Variants in IL1RAPL1 observed in about 807,000 individuals in gnomAD.
IL1RAPL1 encodes interleukin 1 receptor accessory protein like 1, also known as interleukin-1 receptor accessory protein-like 1.
IL1RAPL1 carries 3 observed loss-of-function variants against 48.4 expected under a neutral mutation model. The observed-to-expected ratio is 0.06, with a 90% CI of 0.03 to 0.16. The LOEUF (loss-of-function observed/expected upper bound fraction) is 0.16, where lower values mean the gene tolerates loss of function less well. IL1RAPL1 is among the 10% of genes least tolerant of loss of function. The pLI is 1.00. For synonymous variants in IL1RAPL1, 185 were observed against 187.7 expected (o/e 0.99, Z 0.12); for missense variants, 349 against 530.6 (o/e 0.66, Z 3.36).
intron 6 of IL1RAPL1, among the ~76,000 whole-genome samples, chrX:29,756,830 A>G (rs2147143427): frequency 8.9e-6 from 1 of 112,312 alleles, no homozygotes; most frequent in Admixed American, 9.5e-5. Flanking sequence ...AGACATAATT[A>G]GTTAAGGTGA....
At chrX:29,604,988 G>A (rs1171912078) in intron 5 of IL1RAPL1, among the ~76,000 whole-genome samples, 3 of 108,522 alleles carry the variant, frequency 2.8e-5, no homozygotes, top group Non-Finnish European at 5.7e-5. Context: ...TTTTGGAATG[G>A]ATACGTATTA....
At chrX:28,998,002 CT>C (rs900232400) in intron 2 of IL1RAPL1, among the ~76,000 whole-genome samples, 40 of 112,034 alleles carry the variant, frequency 3.6e-4, no homozygotes, top group African/African-American at 1.2e-3. Flanking sequence ...GAAAAATCCC[CT>C]TTTCCCTCAG....
Position 28,984,498 on chromosome X carries a change from G to A in IL1RAPL1, c.82+195073G>A, listed in dbSNP as rs112212733. Among the ~76,000 whole-genome samples the A allele has an allele frequency of 1.8e-3, 201 of 111,916 alleles. 1 individual carries two copies. The highest frequency in any genetic ancestry group is 9.3e-3 in the Middle Eastern group (2 of 216). ...TTTTGATATTTACTGTTTTGCAAGC[G>A]TGTCAAAATATTTAAGGATCCTTTT... On this transcript the variant is annotated intron_variant, in intron 2 of 10. Coordinates refer to ENST00000378993, the MANE Select transcript of IL1RAPL1 (RefSeq NM_014271.4).
intron 6 of IL1RAPL1, among the ~76,000 whole-genome samples, chrX:29,688,754 C>CTCTCTCTCTCTGTG (rs58405949): frequency 9.6e-6 from 1 of 103,902 alleles, no homozygotes; most frequent in African/African-American, 3.8e-5. Context: ...CTCTCTCTCT[C>CTCTCTCTCTCTGTG]TGTGTGTGTC....
chrX:28,832,550 A>C (rs1267161679), intron 2 of IL1RAPL1, among the ~76,000 whole-genome samples: 1 of 111,256 alleles, frequency 9.0e-6, no homozygotes, highest in Admixed American at 9.6e-5. Context: ...AGAGCTGGAA[A>C]ATCCCTCCAA....
At chrX:28,934,802 G>A (rs943397279) in intron 2 of IL1RAPL1, among the ~76,000 whole-genome samples, 1 of 111,391 alleles carries the variant, frequency 9.0e-6, no homozygotes, top group African/African-American at 3.3e-5. Flanking sequence ...TGTCATTTAG[G>A]TTGTTTCTAG....
chrX:29,221,788 G>A (rs965464681), intron 2 of IL1RAPL1, among the ~76,000 whole-genome samples: 1 of 109,928 alleles, frequency 9.1e-6, no homozygotes, highest in Non-Finnish European at 1.9e-5. Flanking sequence ...CGAGGCGGGC[G>A]GATCACGAGG....
At chrX:28,899,665 A>G (rs1923024753) in intron 2 of IL1RAPL1, among the ~76,000 whole-genome samples, 1 of 111,711 alleles carries the variant, frequency 9.0e-6, no homozygotes, top group Non-Finnish European at 1.9e-5. Flanking sequence ...GCAAAATGGC[A>G]TTGCTAAGCC....
intron 2 of IL1RAPL1, among the ~76,000 whole-genome samples, chrX:29,214,286 C>T (rs1475923101): frequency 9.0e-6 from 1 of 110,694 alleles, no homozygotes; most frequent in Non-Finnish European, 1.9e-5. Context: ...ATTCTTATGT[C>T]AATACATGTG....
chrX:29,783,561 A>G (rs1175152291), intron 6 of IL1RAPL1, among the ~76,000 whole-genome samples: 3 of 111,986 alleles, frequency 2.7e-5, no homozygotes, highest in Non-Finnish European at 5.6e-5. Context: ...GGAAAAAGTG[A>G]AGAAATCATG....
chrX:28,910,035 A>G (rs1327200914), intron 2 of IL1RAPL1, among the ~76,000 whole-genome samples: 1 of 111,865 alleles, frequency 8.9e-6, no homozygotes, highest in Non-Finnish European at 1.9e-5. Context: ...TGCCAACTCT[A>G]TGTCAACTAC....
intron 5 of IL1RAPL1, among the ~76,000 whole-genome samples, chrX:29,585,486 C>T (rs1389104759): frequency 3.6e-5 from 4 of 112,031 alleles, no homozygotes; most frequent in Non-Finnish European, 5.6e-5. Flanking sequence ...AATAATGCTG[C>T]GATGAGCTTG....
At chrX:29,123,032 TA>T (rs1928828173) in intron 2 of IL1RAPL1, among the ~76,000 whole-genome samples, 1 of 109,205 alleles carries the variant, frequency 9.2e-6, no homozygotes, top group Non-Finnish European at 1.9e-5. Flanking sequence ...TTTATTTATT[TA>T]TTTATTTATT....
At chrX:29,680,002 A>C (rs1350660911) in intron 6 of IL1RAPL1, among the ~76,000 whole-genome samples, 1 of 112,163 alleles carries the variant, frequency 8.9e-6, no homozygotes, top group East Asian at 2.8e-4. Context: ...AATAATCCAG[A>C]AATTTTATTT....
At position 29,163,022 on chromosome X, in the gene IL1RAPL1, G is replaced by A. The variant is rs376149625; in HGVS notation, c.83-119916G>A. On this transcript the variant is annotated intron_variant, in intron 2 of 10. Coordinates refer to ENST00000378993, the MANE Select transcript of IL1RAPL1 (RefSeq NM_014271.4). ...TGGGAGGCGGAGGTTGCAGTGAGCC[G>A]AGATCACGCCACTGTACTGCAGCCT... is the stretch of plus-strand genomic sequence containing the variant. Among the ~76,000 whole-genome samples, 12 of 107,587 alleles carry A rather than the reference G, an allele frequency of 1.1e-4. No individual in the cohort carries two copies. The East Asian group carries it at 2.3e-3, about 21-fold the overall frequency. The allele number at this position is 107,587 out of a possible 115,157, so 93.4% of individuals were successfully genotyped here. A position where few individuals can be genotyped will look rare whatever the true frequency, so the allele number is the denominator to read the frequency against.
At chrX:29,342,112 TTGTGTGTG>T (rs753779178) in intron 3 of IL1RAPL1, among the ~76,000 whole-genome samples, 120 of 87,679 alleles carry the variant, frequency 1.4e-3, no homozygotes, top group African/African-American at 1.7e-3. Flanking sequence ...CGGCCTTGTT[TTGTGTGTG>T]TGTGTGTGTG....
intron 5 of IL1RAPL1, among the ~76,000 whole-genome samples, chrX:29,598,040 CTTTA>C (rs1222701455): frequency 9.0e-6 from 1 of 111,636 alleles, no homozygotes; most frequent in African/African-American, 3.3e-5. Context: ...CTGCTCTGAT[CTTTA>C]TTGTTTCTTT....
At chrX:29,000,893 G>C (rs180823543) in intron 2 of IL1RAPL1, among the ~76,000 whole-genome samples, 3 of 104,525 alleles carry the variant, frequency 2.9e-5, no homozygotes, top group African/African-American at 7.0e-5. Flanking sequence ...AGCATGATGT[G>C]TGATAAATAG....
chrX:28,910,252 T>A (rs748508286), intron 2 of IL1RAPL1, among the ~76,000 whole-genome samples: 23 of 111,392 alleles, frequency 2.1e-4, no homozygotes, highest in Non-Finnish European at 3.6e-4. Flanking sequence ...GATCTGAGAA[T>A]CACTGATAAC....
Sources: gnomAD v4.1 joint callset for allele counts (sites outside exome capture counted in the v4.1 genomes callset) on GRCh38, gnomAD v4.1.1 for gene constraint, MANE v1.5 for transcripts, NCBI Gene and HGNC (gene_info 2026-07-23, HGNC 2026-07-21) for gene names.